Variants in CNST observed in about 807,000 individuals in gnomAD.
The protein encoded by CNST is consortin.
A neutral mutation model predicts 72.4 loss-of-function variants in CNST; 39 were observed. That is an observed-to-expected ratio of 0.54 (90% CI 0.42 to 0.70). The LOEUF (loss-of-function observed/expected upper bound fraction) is 0.70. Among genes scored for constraint, CNST ranks in the 30% least tolerant of loss-of-function variants. The probability of loss-of-function intolerance (pLI) is 0.00; values close to 1 mark genes in which losing one functional copy is unlikely to be tolerated. For synonymous variants in CNST, 332 were observed against 320.1 expected (o/e 1.04, Z -0.40); for missense variants, 871 against 868.5 (o/e 1.00, Z -0.04).
chr1:246,643,292 CT>C (rs1414761355), intron 8 of CNST, among the ~76,000 whole-genome samples: 39 of 152,250 alleles, frequency 2.6e-4, no homozygotes, highest in African/African-American at 8.4e-4. Context: ...GGGGTCAGTC[CT>C]ACTAGACTCT....
rs370402408 is a variant in CNST, at chr1:246,621,644, T to C, written c.585+10T>C. Reference sequence around the variant, plus strand: ...CCTTTGCCTTCATCAGGTACTCTGGTAAACCCTTCACTTTCAGCCTCACGA... The same window carrying C: ...CCTTTGCCTTCATCAGGTACTCTGGCAAACCCTTCACTTTCAGCCTCACGA... On this transcript the variant is annotated intron_variant, in intron 3 of 10. Transcript: ENST00000366513. 3.1e-6 allele frequency: 5 copies of C among 1,606,850 alleles called. No individual in the cohort carries two copies. In the African/African-American group the frequency reaches 6.7e-5, roughly 22 times the overall value.
intron 7 of CNST, 70 bp downstream of exon 7, chr1:246,641,840 ATT>A: frequency 8.0e-7 from 1 of 1,253,646 alleles, no homozygotes. Context: ...TGTATGGACT[ATT>A]TTGGAAAATG....
At chr1:246,663,234 T>G (rs10802430) in intron 10 of CNST, among the ~76,000 whole-genome samples, 147,541 of 151,842 alleles carry the variant, frequency 0.97, 71,704 homozygotes, top group East Asian at 1. Flanking sequence ...GTGTGCACCT[T>G]TGGTCCCAGC....
intron 4 of CNST, among the ~76,000 whole-genome samples, chr1:246,633,028 T>C (rs1347980800): frequency 6.6e-6 from 1 of 152,232 alleles, no homozygotes; most frequent in Non-Finnish European, 1.5e-5. Flanking sequence ...AAATTACTTT[T>C]AGTTGACTCC....
At chr1:246,641,900 GT>G in intron 7 of CNST, 40 bp from the exon 8 acceptor site, 1 of 1,505,186 alleles carries the variant, frequency 6.6e-7, no homozygotes, top group Non-Finnish European at 9.2e-7. Flanking sequence ...TAATACAACA[GT>G]TTCCCCAAAA....
intron 1 of CNST, among the ~76,000 whole-genome samples, chr1:246,573,028 T>C (rs778556154): frequency 6.6e-6 from 1 of 152,226 alleles, no homozygotes; most frequent in Non-Finnish European, 1.5e-5. Flanking sequence ...GGGTGGACGT[T>C]TGTGCAAATT....
chr1:246,631,951 A>C (rs1238081851), intron 4 of CNST, 27 bp downstream of exon 4: 7 of 1,364,990 alleles, frequency 5.1e-6, no homozygotes, highest in Non-Finnish European at 6.2e-6. Context: ...TACAGGAAGA[A>C]ATTTTTAGAA....
At chr1:246,584,473 T>C (rs1409665164) in intron 1 of CNST, among the ~76,000 whole-genome samples, 2 of 152,140 alleles carry the variant, frequency 1.3e-5, no homozygotes, top group Admixed American at 6.5e-5. Context: ...CGAGATAGAC[T>C]GAAGAAACCT....
chr1:246,616,870 A>G (rs964405713), intron 2 of CNST, among the ~76,000 whole-genome samples: 1 of 151,938 alleles, frequency 6.6e-6, no homozygotes, highest in African/African-American at 2.4e-5. Context: ...TTTTTTTTCA[A>G]GCAAAACTTT....
At chr1:246,648,357 T>G in intron 9 of CNST, 1 of 383,118 alleles carries the variant, frequency 2.6e-6, no homozygotes, top group Non-Finnish European at 3.8e-6. Flanking sequence ...ACCAGAATAG[T>G]CACATTCTAA....
At chr1:246,628,681 A>T (rs1467017875) in intron 3 of CNST, among the ~76,000 whole-genome samples, 2 of 152,186 alleles carry the variant, frequency 1.3e-5, no homozygotes, top group Non-Finnish European at 2.9e-5. Flanking sequence ...CACTAATCCC[A>T]TTCATGAGGG....
chr1:246,635,797 CG>C (rs1261872081), intron 6 of CNST, among the ~76,000 whole-genome samples: 3 of 152,140 alleles, frequency 2.0e-5, no homozygotes, highest in Admixed American at 6.5e-5. Flanking sequence ...GTGGCAGGAC[CG>C]TAATATTCGA....
intron 2 of CNST, 94 bp downstream of exon 2, chr1:246,592,035 T>G (rs961438382): frequency 1.5e-5 from 15 of 1,007,532 alleles, no homozygotes; most frequent in African/African-American, 4.9e-5. Context: ...GCACCTTGCT[T>G]CTTTGCTTAC....
intron 1 of CNST, among the ~76,000 whole-genome samples, chr1:246,579,235 A>C (rs1406525741): frequency 6.6e-6 from 1 of 152,128 alleles, no homozygotes; most frequent in African/African-American, 2.4e-5. Context: ...GTTACCAGAG[A>C]GTGTCCATTT....
intron 2 of CNST, among the ~76,000 whole-genome samples, chr1:246,594,625 T>C (rs752784099): frequency 1.3e-5 from 2 of 151,952 alleles, no homozygotes; most frequent in Admixed American, 6.6e-5. Flanking sequence ...AAAAATTAGC[T>C]GGGCCTGGTG....
At chr1:246,606,024 A>G (rs1302350262) in intron 2 of CNST, 3 of 152,136 alleles carry the variant, frequency 2.0e-5, no homozygotes, top group Non-Finnish European at 4.4e-5. Context: ...GAAAAAGGGA[A>G]AAGGGGCGAC....
At chr1:246,631,774 A>T in intron 3 of CNST, 120 bp from the exon 4 acceptor site, 1 of 742,630 alleles carries the variant, frequency 1.3e-6, no homozygotes, top group Non-Finnish European at 2.4e-6. Context: ...GTTTAAAAAA[A>T]GAGTTTTCTT....
rs1486124169 is a variant in CNST, at chr1:246,576,487, T to C, written c.-52+9824T>C. ...TAGAGTTAGAAGCACATAAAAATTATGTTTTTACATCCTTTTTTTTTTTTC... is the reference window on the plus strand; with the variant it reads ...TAGAGTTAGAAGCACATAAAAATTACGTTTTTACATCCTTTTTTTTTTTTC... On this transcript the variant is annotated intron_variant, in intron 1 of 10. Coordinates refer to ENST00000366513, the MANE Select transcript of CNST (RefSeq NM_152609.3). Among the ~76,000 whole-genome samples the C allele has an allele frequency of 3.3e-5, 5 of 150,930 alleles. 1 individual carries two copies. Among genetic ancestry groups the C allele is most frequent in the African/African-American group, 1.2e-4 (5 of 40,770 alleles).
At chr1:246,580,472 C>A (rs1660708945) in intron 1 of CNST, among the ~76,000 whole-genome samples, 1 of 151,826 alleles carries the variant, frequency 6.6e-6, no homozygotes. Context: ...AAGGTAAGAA[C>A]AGTTATGAAA....
Sources: gnomAD v4.1 joint callset for allele counts (sites outside exome capture counted in the v4.1 genomes callset) on GRCh38, gnomAD v4.1.1 for gene constraint, MANE v1.5 for transcripts, NCBI Gene and HGNC (gene_info 2026-07-23, HGNC 2026-07-21) for gene names.